The following RIMBP2 variants were observed in gnomAD, a reference collection of about 807,000 sequenced individuals.
RIMBP2 encodes the protein RIMS-binding protein 2.
In RIMBP2, 48 loss-of-function variants were observed where a neutral mutation model predicts 118.6. That is an observed-to-expected ratio of 0.40 (90% CI 0.32 to 0.51). The LOEUF (loss-of-function observed/expected upper bound fraction) is 0.51, where lower values mean the gene tolerates loss of function less well. RIMBP2 is among the 20% of genes least tolerant of loss of function. RIMBP2 has a pLI of 0.41. For synonymous variants in RIMBP2, 762 were observed against 742.9 expected (o/e 1.03, Z -0.42); for missense variants, 1,551 against 1,768.3 (o/e 0.88, Z 2.20).
At chr12:130,483,911 G>A (rs11060939) in intron 4 of RIMBP2, among the ~76,000 whole-genome samples, 31,207 of 143,712 alleles carry the variant, frequency 0.22, 4,192 homozygotes, top group East Asian at 0.46. Flanking sequence ...ACCTAGACAC[G>A]GTGCCCGGAG....
At chr12:130,546,382 G>C (rs564421760) in intron 2 of RIMBP2, among the ~76,000 whole-genome samples, 1 of 152,000 alleles carries the variant, frequency 6.6e-6, no homozygotes, top group East Asian at 1.9e-4. Flanking sequence ...TTCAACCTCT[G>C]CCTCCCAGGA....
intron 2 of RIMBP2, among the ~76,000 whole-genome samples, chr12:130,619,334 A>T (rs1042372212): frequency 6.6e-6 from 1 of 152,140 alleles, no homozygotes; most frequent in East Asian, 1.9e-4. Flanking sequence ...TGCTTTACAA[A>T]ACCAACCTCT....
At chr12:130,404,386 C>T (rs968702769) in intron 21 of RIMBP2, among the ~76,000 whole-genome samples, 3 of 152,180 alleles carry the variant, frequency 2.0e-5, no homozygotes, top group African/African-American at 7.2e-5. Context: ...CAACCTCCAC[C>T]TCCTGGGTTC....
At chr12:130,428,367 G>T (rs79600223) in intron 14 of RIMBP2, 30 bp from the exon 15 acceptor site, 1 of 1,586,252 alleles carries the variant, frequency 6.3e-7, no homozygotes, top group Non-Finnish European at 8.6e-7. Context: ...GCTACTGAGC[G>T]GGTGGCTCCT....
chr12:130,531,813 A>ATGAGAGTCC (rs2053406772), intron 2 of RIMBP2, among the ~76,000 whole-genome samples: 1 of 149,344 alleles, frequency 6.7e-6, no homozygotes, highest in African/African-American at 2.5e-5. Flanking sequence ...CATGAGAGTC[A>ATGAGAGTCC]AAACCCAGAT....
rs1338345793 is a variant in RIMBP2, at chr12:130,620,386, G to A, written c.-217+7936C>T. Among the ~76,000 whole-genome samples the A allele has an allele frequency of 6.6e-6, 1 of 152,156 alleles. No individual in the cohort carries two copies. Among genetic ancestry groups the A allele is most frequent in the African/African-American group, 2.4e-5 (1 of 41,450 alleles). Reference sequence around the variant, plus strand: ...TGATGCTTCGCTGGCCCTCGCCATTGGTCCTTCTAGCAAATCCCCTTCCCC... The same window carrying A: ...TGATGCTTCGCTGGCCCTCGCCATTAGTCCTTCTAGCAAATCCCCTTCCCC... On this transcript the variant is annotated intron_variant, in intron 2 of 22. Transcript: ENST00000690449. The surrounding 1 kb of genome is among the most constrained non-coding windows in gnomAD (Gnocchi z 5.3).
At chr12:130,505,134 A>C (rs549067705) in intron 4 of RIMBP2, among the ~76,000 whole-genome samples, 1 of 152,046 alleles carries the variant, frequency 6.6e-6, no homozygotes, top group Non-Finnish European at 1.5e-5. Context: ...ATGTGGTAGC[A>C]CCTCCTCTCT....
chr12:130,417,271 A>C (rs1377421007), intron 17 of RIMBP2, among the ~76,000 whole-genome samples: 4 of 152,220 alleles, frequency 2.6e-5, no homozygotes, highest in African/African-American at 9.6e-5. Flanking sequence ...CGTTTCACCA[A>C]AAAGACACAG....
At chr12:130,701,373 C>A (rs548274092) in intron 1 of RIMBP2, among the ~76,000 whole-genome samples, 278 of 152,326 alleles carry the variant, frequency 1.8e-3, no homozygotes, top group Non-Finnish European at 2.9e-3. Flanking sequence ...CTACGTGGCA[C>A]TTTCTGCCTT....
rs1489914190 is a variant in RIMBP2, at chr12:130,523,828, G to A, written c.-216-5911C>T. Among the ~76,000 whole-genome samples, 3 of 152,192 alleles carry A rather than the reference G, an allele frequency of 2.0e-5. No individual in the cohort carries two copies. ...GGTTGAGATGTCAGGAACGCCAGTT[G>A]CTATGGGGAGAGGTGAGAGGAATTC... On this transcript the variant is annotated intron_variant, in intron 2 of 22. Coordinates refer to ENST00000690449, the MANE Select transcript of RIMBP2 (RefSeq NM_001393629.1). The surrounding 1 kb of genome is among the most constrained non-coding windows in gnomAD (Gnocchi z 4.4).
chr12:130,587,950 G>A (rs2059019890), intron 2 of RIMBP2, among the ~76,000 whole-genome samples: 1 of 151,660 alleles, frequency 6.6e-6, no homozygotes, highest in South Asian at 2.1e-4. Flanking sequence ...CACATATGAT[G>A]TCCCTGTCCT....
At position 130,437,012 on chromosome 12, in the gene RIMBP2, G is replaced by A. The variant is rs770059326; in HGVS notation, c.1936C>T (p.Arg646Cys). Residue 646 changes from arginine (R) to cysteine (C), a missense_variant, in exon 13 of 23, where the codon CGT becomes TGT. By Grantham distance (180) the Arg-to-Cys change is radical. This residue lies in a region of RIMBP2 where 1,038 missense variants were observed against 1,125.1 expected (regional missense o/e 0.92). Transcript: ENST00000690449. ...ARMDEAWEQS[R>C]APGPVHGHML... is the part of the protein sequence containing the mutation. ...TGCCCATGCACAGGGCCAGGTGCACGGCTCTGCTCCCAGGCCTCATCCATC... is the reference window on the plus strand; with the variant it reads ...TGCCCATGCACAGGGCCAGGTGCACAGCTCTGCTCCCAGGCCTCATCCATC... 6.9e-6 allele frequency: 11 copies of A among 1,596,452 alleles called. No homozygotes were observed. The highest frequency in any genetic ancestry group is 9.4e-6 in the Non-Finnish European group (11 of 1,169,892).
chr12:130,568,444 G>C (rs947543846), intron 2 of RIMBP2, among the ~76,000 whole-genome samples: 3 of 152,204 alleles, frequency 2.0e-5, no homozygotes, highest in African/African-American at 7.2e-5. Context: ...AGAGTTCTCT[G>C]GTATCCACAC....
At chr12:130,501,468 AAATT>A (rs1293840259) in intron 4 of RIMBP2, among the ~76,000 whole-genome samples, 1 of 152,196 alleles carries the variant, frequency 6.6e-6, no homozygotes, top group Non-Finnish European at 1.5e-5. Context: ...AGCACTAGCT[AAATT>A]AGGTCCCAGG....
chr12:130,615,429 G>A lies in RIMBP2; in HGVS notation c.-217+12893C>T, dbSNP rs1406240888. 5.3e-5 allele frequency among the ~76,000 whole-genome samples: 8 copies of A among 151,766 alleles called. No individual in the cohort carries two copies. In the East Asian group the frequency reaches 9.7e-4, roughly 18 times the overall value. On this transcript the variant is annotated intron_variant, in intron 2 of 22. Coordinates refer to ENST00000690449, the MANE Select transcript of RIMBP2 (RefSeq NM_001393629.1). ...GGGTTCAAGCAATTCTCCCATCTCA[G>A]CCTCCAGAGTAGCTGGGATTACAGG...
intron 2 of RIMBP2, among the ~76,000 whole-genome samples, chr12:130,593,225 T>C (rs1345381066): frequency 1.3e-5 from 2 of 152,166 alleles, no homozygotes; most frequent in African/African-American, 2.4e-5. Context: ...TCTCTAACTG[T>C]AGTGGCAGCC....
intron 1 of RIMBP2, among the ~76,000 whole-genome samples, chr12:130,681,420 T>C (rs7977673): frequency 0.78 from 119,400 of 152,178 alleles, 47,803 homozygotes; most frequent in East Asian, 1. Context: ...CATCACCTGT[T>C]TTTAGTTCCA....
intron 1 of RIMBP2, among the ~76,000 whole-genome samples, chr12:130,709,174 A>G (rs1195590): frequency 1 from 152,383 of 152,392 alleles, 76,187 homozygotes; most frequent in Middle Eastern, 1. Context: ...GCCACGATGC[A>G]GGAGGCAGTC....
At chr12:130,595,103 T>C (rs2140357917) in intron 2 of RIMBP2, among the ~76,000 whole-genome samples, 1 of 152,346 alleles carries the variant, frequency 6.6e-6, no homozygotes. Flanking sequence ...AGTTAAATAA[T>C]GCACTTTAAA....
Sources: allele counts gnomAD v4.1 joint callset (sites outside exome capture counted in the v4.1 genomes callset), GRCh38; gene constraint gnomAD v4.1.1; regional missense constraint gnomAD v4.1.1; non-coding constraint Gnocchi (gnomAD v3.1); transcripts MANE v1.5; gene names NCBI Gene and HGNC (gene_info 2026-07-23, HGNC 2026-07-21).